Variants in CDH4 observed in about 807,000 individuals in gnomAD.
The protein encoded by CDH4 is cadherin 4, also known as cadherin-4.
Under a neutral mutation model 86.0 loss-of-function variants are expected in CDH4, and 33 were observed. The ratio of observed to expected loss-of-function variants is 0.38; its 90% confidence interval spans 0.29 to 0.51. The LOEUF (loss-of-function observed/expected upper bound fraction) is 0.51. CDH4 is among the 20% of genes least tolerant of loss of function. CDH4 has a pLI of 0.86. For missense variants in CDH4, 1,114 were observed against 1,307.4 expected, an observed-to-expected ratio of 0.85 and a Z score of 2.28; for synonymous variants, 555 against 549.4, an observed-to-expected ratio of 1.01 and a Z score of -0.14.
At chr20:61,313,755 A>G (rs1246838159) in intron 2 of CDH4, among the ~76,000 whole-genome samples, 1 of 152,182 alleles carries the variant, frequency 6.6e-6, no homozygotes, top group African/African-American at 2.4e-5. Flanking sequence ...TTTTTTGTTT[A>G]AGACATGGTC....
chr20:61,466,757 G>A (rs780310123), intron 2 of CDH4, among the ~76,000 whole-genome samples: 27 of 152,214 alleles, frequency 1.8e-4, no homozygotes, highest in Non-Finnish European at 3.4e-4. Context: ...ACGCTGAGGC[G>A]GGAGGATCAC....
intron 2 of CDH4, among the ~76,000 whole-genome samples, chr20:61,566,242 A>G (rs2086297043): frequency 6.6e-6 from 1 of 152,148 alleles, no homozygotes; most frequent in African/African-American, 2.4e-5. Flanking sequence ...ACCATGTCTG[A>G]CCATGAGCCG....
intron 2 of CDH4, among the ~76,000 whole-genome samples, chr20:61,256,228 C>T (rs1439433468): frequency 2.6e-5 from 4 of 152,130 alleles, no homozygotes; most frequent in Non-Finnish European, 1.5e-5. Context: ...TGGACGGTCT[C>T]TTATAACTCG....
At chr20:61,369,248 C>T (rs188218188) in intron 2 of CDH4, among the ~76,000 whole-genome samples, 17 of 151,838 alleles carry the variant, frequency 1.1e-4, no homozygotes, top group East Asian at 9.8e-4. Context: ...TTCAGGAGTT[C>T]GGGACCAGCC....
chr20:61,522,698 C>G (rs1026265732), intron 2 of CDH4, among the ~76,000 whole-genome samples: 4 of 152,260 alleles, frequency 2.6e-5, no homozygotes, highest in African/African-American at 9.6e-5. Flanking sequence ...CCCTTGTTCA[C>G]CCGGCTGCGG....
chr20:61,758,109 CTGTG>C (rs1032682886), intron 3 of CDH4, among the ~76,000 whole-genome samples: 61 of 152,338 alleles, frequency 4.0e-4, no homozygotes, highest in African/African-American at 1.4e-3. Context: ...TTGGCAAATG[CTGTG>C]CAGGCACATT....
chr20:61,393,351 C>T lies in CDH4; in HGVS notation c.169+138414C>T, dbSNP rs886292971. ...TGTGGGGGACAGCAGCCGGGGGGGG[C>T]CGGGGTCTTCCTTACCTCCTAGCTT... On this transcript the variant is annotated intron_variant, in intron 2 of 15. Transcript: ENST00000614565. This position sits in a 1 kb window ranked among gnomAD's most constrained non-coding sequence, Gnocchi z 4.3. Among the ~76,000 whole-genome samples, 1 of 151,102 alleles carries T rather than the reference C, an allele frequency of 6.6e-6. No individual in the cohort carries two copies. Among genetic ancestry groups the T allele is most frequent in the Non-Finnish European group, 1.5e-5 (1 of 67,746 alleles).
At chr20:61,824,262 T>C (rs1002610734) in intron 4 of CDH4, among the ~76,000 whole-genome samples, 4 of 151,986 alleles carry the variant, frequency 2.6e-5, no homozygotes, top group Admixed American at 2.0e-4. Flanking sequence ...TGCCACCTTG[T>C]CAACTACAGG....
chr20:61,753,495 G>C (rs1420056567), intron 3 of CDH4, among the ~76,000 whole-genome samples: 3 of 152,172 alleles, frequency 2.0e-5, no homozygotes, highest in Non-Finnish European at 2.9e-5. Context: ...AGTCTTGCAG[G>C]AAAGCTGATA....
intron 2 of CDH4, among the ~76,000 whole-genome samples, chr20:61,328,610 C>A (rs943202911): frequency 1.6e-4 from 24 of 152,104 alleles, no homozygotes; most frequent in African/African-American, 5.3e-4. Flanking sequence ...ATGGCCAAAC[C>A]CCATCTTTAC....
At chr20:61,254,521 C>G (rs1055069259) in intron 1 of CDH4, among the ~76,000 whole-genome samples, 1 of 152,194 alleles carries the variant, frequency 6.6e-6, no homozygotes, top group Non-Finnish European at 1.5e-5. Context: ...TTGGTCATTT[C>G]TCAGGCGTCT....
chr20:61,459,615 G>C (rs150034524), intron 2 of CDH4, among the ~76,000 whole-genome samples: 1 of 150,850 alleles, frequency 6.6e-6, no homozygotes, highest in Non-Finnish European at 1.5e-5. Flanking sequence ...AGAGCGGGAG[G>C]GACATGGTGA....
chr20:61,565,332 TGG>T lies in CDH4; in HGVS notation c.170-178230_170-178229del, dbSNP rs1568689077. 1.5e-4 allele frequency among the ~76,000 whole-genome samples: 10 copies of T among 66,726 alleles called. 3 individuals carry two copies. Among genetic ancestry groups the T allele is most frequent in the Admixed American group, 4.7e-4 (3 of 6,402 alleles). 43.8% of individuals were successfully genotyped at this position (66,726 alleles called of 152,430 possible). A position where few individuals can be genotyped will look rare whatever the true frequency, so the allele number is the denominator to read the frequency against. ...TTGGTGGTGGCGGTGCTCTTGGTGA[TGG>T]TGGTAGTGGTCCTCTTGGTGATGGG... On this transcript the variant is annotated intron_variant, in intron 2 of 15. Coordinates refer to ENST00000614565, the MANE Select transcript of CDH4 (RefSeq NM_001794.5).
At chr20:61,933,815 G>T (rs1159845428) in intron 14 of CDH4, among the ~76,000 whole-genome samples, 1 of 152,226 alleles carries the variant, frequency 6.6e-6, no homozygotes, top group African/African-American at 2.4e-5. Context: ...AGAGCCCCAG[G>T]CCATGGAACA....
In CDH4 at chr20:61,623,619, G is replaced by A. The variant is rs972531485; in HGVS notation, c.170-119944G>A. Among the ~76,000 whole-genome samples the A allele has an allele frequency of 2.0e-5, 3 of 152,146 alleles. No individual in the cohort carries two copies. Among genetic ancestry groups the A allele is most frequent in the African/African-American group, 7.2e-5 (3 of 41,422 alleles). On this transcript the variant is annotated intron_variant, in intron 2 of 15. Transcript: ENST00000614565. This position sits in a 1 kb window ranked among gnomAD's most constrained non-coding sequence, Gnocchi z 4.4. Reference sequence around the variant, plus strand: ...TCTTTCCTCTACATGAGCATCATTCGTGCAAAGTGCATCACAGCTGATTCT... The same window carrying A: ...TCTTTCCTCTACATGAGCATCATTCATGCAAAGTGCATCACAGCTGATTCT...
At chr20:61,787,515 G>T (rs113414967) in intron 4 of CDH4, among the ~76,000 whole-genome samples, 8,263 of 152,224 alleles carry the variant, frequency 0.054, 713 homozygotes, top group African/African-American at 0.19. Flanking sequence ...CCACAACACA[G>T]AGGGATTATG....
At chr20:61,786,215 A>G (rs1978872717) in intron 4 of CDH4, among the ~76,000 whole-genome samples, 1 of 152,094 alleles carries the variant, frequency 6.6e-6, no homozygotes. Flanking sequence ...CCATTGGCCC[A>G]TCACCTACAC....
rs1311549692 is a variant in CDH4 at position 61,873,989 on chromosome 20, C to T, written c.1050+89C>T. On this transcript the variant is annotated intron_variant, in intron 7 of 15. Coordinates refer to ENST00000614565, the MANE Select transcript of CDH4 (RefSeq NM_001794.5). ...GACCCTCGGGGAGCCTCTCCAGTGGCGCCGTCGGGGAGTGATCGACAGTCT... is the reference window on the plus strand; with the variant it reads ...GACCCTCGGGGAGCCTCTCCAGTGGTGCCGTCGGGGAGTGATCGACAGTCT... 6.2e-5 allele frequency: 88 copies of T among 1,412,950 alleles called. 2 individuals carry two copies. The South Asian group carries it at 9.5e-4, about 15-fold the overall frequency. The allele number at this position is 1,412,950 out of a possible 1,614,324, so 87.5% of individuals were successfully genotyped here.
At chr20:61,758,771 C>T (rs74552778) in intron 3 of CDH4, among the ~76,000 whole-genome samples, 3 of 152,304 alleles carry the variant, frequency 2.0e-5, no homozygotes, top group Admixed American at 6.5e-5. Context: ...CCCACCTGCC[C>T]GCCTCCCCTG....
Sources: gnomAD v4.1 joint callset for allele counts (sites outside exome capture counted in the v4.1 genomes callset) on GRCh38, gnomAD v4.1.1 for gene constraint, Gnocchi (gnomAD v3.1) non-coding constraint, MANE v1.5 for transcripts, NCBI Gene and HGNC (gene_info 2026-07-23, HGNC 2026-07-21) for gene names.